GRID2: variants seen among roughly 807,000 people sequenced by gnomAD.
GRID2 encodes the protein glutamate ionotropic receptor delta type subunit 2.
GRID2 carries 33 observed loss-of-function variants against 114.8 expected under a neutral mutation model. The ratio of observed to expected loss-of-function variants is 0.29; its 90% confidence interval spans 0.22 to 0.38. The LOEUF is 0.38. Ranked by LOEUF, GRID2 falls within the 10% of genes least tolerant of loss-of-function variation. The pLI, the probability that GRID2 is intolerant of heterozygous loss-of-function variation, is 1.00. For missense variants in GRID2, 1,184 were observed against 1,257.7 expected (o/e 0.94, Z 0.89); for synonymous variants, 505 against 449.9 (o/e 1.12, Z -1.55).
chr4:93,549,746 A>G (rs978636428), intron 13 of GRID2, among the ~76,000 whole-genome samples: 1 of 152,218 alleles, frequency 6.6e-6, no homozygotes, highest in Non-Finnish European at 1.5e-5. Context: ...TCTGCCAAGC[A>G]AATTAATATA....
At chr4:93,060,685 T>G (rs1312092426) in intron 2 of GRID2, among the ~76,000 whole-genome samples, 1 of 152,192 alleles carries the variant, frequency 6.6e-6, no homozygotes, top group African/African-American at 2.4e-5. Context: ...TTTGCTAACT[T>G]TTTTCCTAAT....
At chr4:92,792,601 A>T (rs968359151) in intron 2 of GRID2, among the ~76,000 whole-genome samples, 1 of 151,770 alleles carries the variant, frequency 6.6e-6, no homozygotes, top group African/African-American at 2.4e-5. Flanking sequence ...ACTGAATTGT[A>T]GACCCATATG....
intron 2 of GRID2, among the ~76,000 whole-genome samples, chr4:93,001,937 A>G (rs1158426936): frequency 6.6e-6 from 1 of 151,686 alleles, no homozygotes; most frequent in Non-Finnish European, 1.5e-5. Flanking sequence ...TTTTAGGCCA[A>G]TTCTACATTT....
chr4:93,506,737 T>C (rs961613640), intron 12 of GRID2, among the ~76,000 whole-genome samples: 1 of 152,146 alleles, frequency 6.6e-6, no homozygotes, highest in Non-Finnish European at 1.5e-5. Context: ...TCCAGAAGGC[T>C]TCATTTGAAA....
At chr4:92,390,270 T>TA (rs1190129528) in intron 1 of GRID2, among the ~76,000 whole-genome samples, 1 of 152,164 alleles carries the variant, frequency 6.6e-6, no homozygotes, top group Non-Finnish European at 1.5e-5. Context: ...TAGAAATGAC[T>TA]ATAAATAGTA....
downstream of GRID2, among the ~76,000 whole-genome samples, chr4:93,775,505 A>G (rs1734351768): frequency 6.6e-6 from 1 of 152,198 alleles, no homozygotes. Flanking sequence ...TGGGAAAGTG[A>G]GTACCTCAGG....
intron 1 of GRID2, among the ~76,000 whole-genome samples, chr4:92,321,058 T>C (rs959338859): frequency 6.6e-6 from 1 of 152,204 alleles, no homozygotes; most frequent in African/African-American, 2.4e-5. Flanking sequence ...TTAATAGAAT[T>C]ACATAGAAGG....
At chr4:93,252,353 G>GTTTTTTTTTT (rs1749056824) in intron 8 of GRID2, among the ~76,000 whole-genome samples, 1 of 63,508 alleles carries the variant, frequency 1.6e-5, no homozygotes, top group Non-Finnish European at 3.0e-5. Context: ...TTTTTGGTTA[G>GTTTTTTTTTT]GTTTGTCAAA....
intron 2 of GRID2, among the ~76,000 whole-genome samples, chr4:92,640,334 A>G (rs1407856503): frequency 1.3e-5 from 2 of 151,896 alleles, no homozygotes; most frequent in Non-Finnish European, 2.9e-5. Context: ...TACTTCAAAC[A>G]TAAAGCTACT....
At chr4:92,933,661 T>G (rs998609227) in intron 2 of GRID2, among the ~76,000 whole-genome samples, 2 of 151,644 alleles carry the variant, frequency 1.3e-5, no homozygotes, top group Non-Finnish European at 3.0e-5. Context: ...TCCATAACTT[T>G]TCCCTCCACT....
chr4:93,037,649 T>C (rs1725051136), intron 2 of GRID2, among the ~76,000 whole-genome samples: 1 of 152,228 alleles, frequency 6.6e-6, no homozygotes, highest in South Asian at 2.1e-4. Context: ...GTTTTAGCTT[T>C]CTGCATATGG....
rs1295674000 is a variant in GRID2, at chr4:92,937,723, T to C, written c.245-147272T>C. On this transcript the variant is annotated intron_variant, in intron 2 of 15. Coordinates refer to ENST00000282020, the MANE Select transcript of GRID2 (RefSeq NM_001510.4). The stretch of plus-strand genomic sequence containing the variant: ...TTTAGGATCAGCTTTCTTTAACATT[T>C]ACATTTTAGCAAAAAAAGAAAAAAA... 1.4e-5 allele frequency among the ~76,000 whole-genome samples: 2 copies of C among 146,764 alleles called. 1 individual carries two copies. Among genetic ancestry groups the C allele is most frequent in the East Asian group, 4.3e-4 (2 of 4,642 alleles).
chr4:93,199,188 A>G (rs191915501), intron 4 of GRID2, among the ~76,000 whole-genome samples: 2 of 152,200 alleles, frequency 1.3e-5, no homozygotes, highest in Non-Finnish European at 2.9e-5. Context: ...GCAAACGCCC[A>G]GGAAAACCCC....
At chr4:93,070,796 C>T (rs918942594) in intron 2 of GRID2, among the ~76,000 whole-genome samples, 1 of 151,942 alleles carries the variant, frequency 6.6e-6, no homozygotes, top group Non-Finnish European at 1.5e-5. Flanking sequence ...AAACTTTAGG[C>T]ACTTTTGAAA....
chr4:92,589,217 G>A (rs1728597045), intron 1 of GRID2, among the ~76,000 whole-genome samples: 1 of 152,002 alleles, frequency 6.6e-6, no homozygotes, highest in African/African-American at 2.4e-5. Context: ...CACAATGTGA[G>A]GTTTAAACAA....
At chr4:92,769,502 A>G (rs2149350956) in intron 2 of GRID2, among the ~76,000 whole-genome samples, 1 of 152,288 alleles carries the variant, frequency 6.6e-6, no homozygotes, top group Non-Finnish European at 1.5e-5. Flanking sequence ...TGGGGGCTCC[A>G]ACCTCACATT....
chr4:93,278,275 A>AAAAAACATGT (rs1752275411), intron 8 of GRID2, among the ~76,000 whole-genome samples: 2 of 151,772 alleles, frequency 1.3e-5, no homozygotes, highest in Non-Finnish European at 2.9e-5. Flanking sequence ...TTTAAAAAAA[A>AAAAAACATGT]AAAACATGTT....
At chr4:93,165,112 G>A (rs1368092790) in intron 4 of GRID2, among the ~76,000 whole-genome samples, 1 of 151,984 alleles carries the variant, frequency 6.6e-6, no homozygotes, top group African/African-American at 2.4e-5. Context: ...TTCCTGCAAA[G>A]GGTTTAACAC....
intron 2 of GRID2, among the ~76,000 whole-genome samples, chr4:92,961,699 G>T (rs1382590453): frequency 1.3e-5 from 2 of 150,968 alleles, no homozygotes; most frequent in African/African-American, 2.4e-5. Context: ...CTGAATCTTT[G>T]GTTTGGTGTC....
Sources: gnomAD v4.1 joint callset for allele counts (sites outside exome capture counted in the v4.1 genomes callset) on GRCh38, gnomAD v4.1.1 for gene constraint, MANE v1.5 for transcripts, NCBI Gene and HGNC (gene_info 2026-07-23, HGNC 2026-07-21) for gene names.